Variants in KHDRBS3 observed in about 807,000 individuals in gnomAD.
KHDRBS3 encodes the protein KH domain-containing, RNA-binding, signal transduction-associated protein 3.
In KHDRBS3, 23 loss-of-function variants were observed where a neutral mutation model predicts 45.6. The ratio of observed to expected loss-of-function variants is 0.50; its 90% CI spans 0.36 to 0.72. The LOEUF (loss-of-function observed/expected upper bound fraction) is 0.72, where lower values mean the gene tolerates loss of function less well. Among genes scored for constraint, KHDRBS3 ranks in the 30% least tolerant of loss-of-function variants. KHDRBS3 has a pLI of 0.00. For synonymous variants in KHDRBS3, 162 were observed against 156.5 expected, an observed-to-expected ratio of 1.04 and a Z score of -0.26; for missense variants, 352 against 424.8, an observed-to-expected ratio of 0.83 and a Z score of 1.51.
chr8:135,511,612 G>GT lies in KHDRBS3; in HGVS notation c.89-9624dup, dbSNP rs1237456854. 2.0e-5 allele frequency among the ~76,000 whole-genome samples: 3 copies of GT among 152,120 alleles called. No individual in the cohort carries two copies. In the East Asian group the frequency reaches 5.8e-4, roughly 29 times the overall value. On this transcript the variant is annotated intron_variant, in intron 1 of 8. Transcript: ENST00000355849. ...GCTCTGTCACCCAGGCTGGAGTGCAGTGGCGCGATCTCGGCTCACTGCAAG... is the reference window on the plus strand; with the variant it reads ...GCTCTGTCACCCAGGCTGGAGTGCAGTTGGCGCGATCTCGGCTCACTGCAAG...
intron 7 of KHDRBS3, among the ~76,000 whole-genome samples, chr8:135,618,723 T>A (rs1461265874): frequency 6.6e-6 from 1 of 152,182 alleles, no homozygotes; most frequent in South Asian, 2.1e-4. Flanking sequence ...AGTGAAAATA[T>A]TATATGATTA....
At chr8:135,646,892 A>G in intron 8 of KHDRBS3, 101 bp from the exon 9 acceptor site, 1 of 662,156 alleles carries the variant, frequency 1.5e-6, no homozygotes, top group South Asian at 1.8e-5. Context: ...TATTTTCAAT[A>G]TGACATGTAC....
At chr8:135,572,263 C>T (rs542359184) in intron 5 of KHDRBS3, among the ~76,000 whole-genome samples, 1 of 152,150 alleles carries the variant, frequency 6.6e-6, no homozygotes, top group Non-Finnish European at 1.5e-5. Context: ...ATAAGGAGCT[C>T]TCTGTTATCA....
chr8:135,482,228 G>T (rs1376202525), intron 1 of KHDRBS3, among the ~76,000 whole-genome samples: 2 of 152,180 alleles, frequency 1.3e-5, no homozygotes, highest in African/African-American at 4.8e-5. Context: ...TATAACCTCA[G>T]AGTTGCTGAT....
chr8:135,585,621 C>T (rs143926052), intron 6 of KHDRBS3, among the ~76,000 whole-genome samples: 35 of 152,254 alleles, frequency 2.3e-4, no homozygotes, highest in African/African-American at 7.2e-4. Flanking sequence ...GCAGAGAACC[C>T]ACCACAGATG....
At chr8:135,545,961 A>T (rs568991459) in intron 3 of KHDRBS3, among the ~76,000 whole-genome samples, 1 of 152,236 alleles carries the variant, frequency 6.6e-6, no homozygotes, top group South Asian at 2.1e-4. Flanking sequence ...AACATGGTGA[A>T]ACCCCATCTA....
downstream of KHDRBS3, among the ~76,000 whole-genome samples, chr8:135,648,883 G>C (rs1055756068): frequency 4.1e-5 from 6 of 148,108 alleles, no homozygotes; most frequent in African/African-American, 1.5e-4. Context: ...CTAGTCAATA[G>C]CATGAAAAAA....
At chr8:135,607,820 C>T (rs907421878) in intron 7 of KHDRBS3, among the ~76,000 whole-genome samples, 1 of 152,126 alleles carries the variant, frequency 6.6e-6, no homozygotes, top group African/African-American at 2.4e-5. Context: ...CTTTTGAACT[C>T]GTCCAGTGCC....
intron 2 of KHDRBS3, among the ~76,000 whole-genome samples, chr8:135,529,611 A>G (rs908908275): frequency 6.6e-6 from 1 of 152,206 alleles, no homozygotes; most frequent in Non-Finnish European, 1.5e-5. Flanking sequence ...GTTTGGGGGC[A>G]TATTATTATC....
At chr8:135,465,192 T>A (rs1821634388) in intron 1 of KHDRBS3, among the ~76,000 whole-genome samples, 1 of 152,190 alleles carries the variant, frequency 6.6e-6, no homozygotes, top group Non-Finnish European at 1.5e-5. Context: ...TAGTCTGTAA[T>A]CCCCTGCAAG....
intron 7 of KHDRBS3, among the ~76,000 whole-genome samples, chr8:135,622,631 T>C (rs1180143842): frequency 6.6e-6 from 1 of 152,206 alleles, no homozygotes; most frequent in Admixed American, 6.5e-5. Flanking sequence ...AGAAATCTCC[T>C]CAAAAAGATA....
At chr8:135,611,439 T>G (rs1346130682) in intron 7 of KHDRBS3, among the ~76,000 whole-genome samples, 3 of 151,934 alleles carry the variant, frequency 2.0e-5, no homozygotes, top group Non-Finnish European at 4.4e-5. Context: ...CTGCTATAAA[T>G]TGAAAGGAAG....
intron 2 of KHDRBS3, among the ~76,000 whole-genome samples, chr8:135,522,299 A>C (rs543259809): frequency 2.0e-5 from 3 of 152,328 alleles, no homozygotes; most frequent in Middle Eastern, 6.8e-3. Flanking sequence ...TTAGGGCTGC[A>C]TAGTATTCCA....
chr8:135,553,231 A>C (rs371075522), intron 4 of KHDRBS3, among the ~76,000 whole-genome samples: 1 of 152,196 alleles, frequency 6.6e-6, no homozygotes, highest in African/African-American at 2.4e-5. Context: ...CTTACCTGAA[A>C]TGTAGCACTT....
intron 7 of KHDRBS3, among the ~76,000 whole-genome samples, chr8:135,634,157 TG>T (rs1430245613): frequency 6.6e-6 from 1 of 152,232 alleles, no homozygotes; most frequent in Non-Finnish European, 1.5e-5. Flanking sequence ...CTTAATTAAA[TG>T]GGGAGCAGGA....
At chr8:135,571,825 G>A (rs1827717749) in intron 5 of KHDRBS3, among the ~76,000 whole-genome samples, 1 of 152,192 alleles carries the variant, frequency 6.6e-6, no homozygotes, top group African/African-American at 2.4e-5. Flanking sequence ...TGGGGAGCTT[G>A]GGGTTACTTC....
At chr8:135,654,606 C>T (rs1304416636) in intron 4 of KHDRBS3, among the ~76,000 whole-genome samples, 1 of 152,216 alleles carries the variant, frequency 6.6e-6, no homozygotes, top group Non-Finnish European at 1.5e-5. Context: ...AGGACACCTC[C>T]TGGACACTCG....
At chr8:135,644,599 T>C (rs932158491) in intron 7 of KHDRBS3, among the ~76,000 whole-genome samples, 1 of 152,246 alleles carries the variant, frequency 6.6e-6, no homozygotes, top group African/African-American at 2.4e-5. Flanking sequence ...AGTCTTTGCC[T>C]TCTGTAAACA....
At chr8:135,601,917 G>A (rs1037099623) in intron 6 of KHDRBS3, among the ~76,000 whole-genome samples, 3 of 151,992 alleles carry the variant, frequency 2.0e-5, no homozygotes, top group Admixed American at 1.3e-4. Flanking sequence ...GAGAAAAAAC[G>A]AGCAACCAGT....
Sources: allele counts gnomAD v4.1 joint callset (sites outside exome capture counted in the v4.1 genomes callset), GRCh38; gene constraint gnomAD v4.1.1; transcripts MANE v1.5; gene names NCBI Gene and HGNC (gene_info 2026-07-23, HGNC 2026-07-21).